ADAMTS15: variants seen among roughly 807,000 people sequenced by gnomAD.
The protein encoded by ADAMTS15 is A disintegrin and metalloproteinase with thrombospondin motifs 15.
Under a neutral mutation model 79.1 loss-of-function variants are expected in ADAMTS15, and 35 were observed. The observed-to-expected ratio is 0.44, with a 90% confidence interval of 0.34 to 0.59. The LOEUF (loss-of-function observed/expected upper bound fraction) is 0.59, where lower values mean the gene tolerates loss of function less well. ADAMTS15 is among the 20% of genes least tolerant of loss of function. The probability of loss-of-function intolerance (pLI) is 0.02; values close to 1 mark genes in which losing one functional copy is unlikely to be tolerated. For synonymous variants in ADAMTS15, 616 were observed against 567.3 expected (o/e 1.09, Z -1.22); for missense variants, 1,324 against 1,318.7 (o/e 1.00, Z -0.06).
chr11:130,471,522 T>G (rs926246904), intron 7 of ADAMTS15, 139 bp downstream of exon 7: 1 of 850,254 alleles, frequency 1.2e-6, no homozygotes, highest in Non-Finnish European at 1.7e-6. Flanking sequence ...ACCCATACCC[T>G]TCTAGGGCTG....
Position 130,448,699 on chromosome 11 carries a change from C to T in ADAMTS15, c.-275C>T, listed in dbSNP as rs1026822478. 1.3e-5 allele frequency among the ~76,000 whole-genome samples: 2 copies of T among 152,268 alleles called. No individual in the cohort carries two copies. Among genetic ancestry groups the T allele is most frequent in the African/African-American group, 4.8e-5 (2 of 41,474 alleles). On this transcript the variant is annotated 5_prime_UTR_variant, in exon 1 of 8. Coordinates refer to ENST00000299164, the MANE Select transcript of ADAMTS15 (RefSeq NM_139055.4). ...CCGCCCGGCACCTTCCGCTAGTTCT[C>T]GGCTGCAAATCTTCGTCCTTGCACT...
chr11:130,465,036 A>G (rs1938273624), intron 4 of ADAMTS15, among the ~76,000 whole-genome samples: 1 of 152,040 alleles, frequency 6.6e-6, no homozygotes, highest in East Asian at 1.9e-4. Context: ...AGGTGGGCCC[A>G]TAATGCTGTC....
In ADAMTS15 at chr11:130,462,363, C is replaced by A. The variant is rs893481483; in HGVS notation, c.1258+109C>A. On this transcript the variant is annotated intron_variant, in intron 3 of 7. Coordinates refer to ENST00000299164, the MANE Select transcript of ADAMTS15 (RefSeq NM_139055.4). This position sits in a 1 kb window ranked among gnomAD's most constrained non-coding sequence, Gnocchi z 4.3. ...TCCTCTGTACATTAGGTGTGTGTGC[C>A]CCCTCGGAGCCGGGCTCTGACATGA... 1.6e-5 allele frequency: 24 copies of A among 1,481,936 alleles called. No individual in the cohort carries two copies. The Admixed American group carries it at 4.0e-4, about 25-fold the overall frequency. The allele number at this position is 1,481,936 out of a possible 1,614,324, so 91.8% of individuals were successfully genotyped here.
At position 130,449,272 on chromosome 11, in the gene ADAMTS15, G is replaced by A. The variant is rs1937901391; in HGVS notation, c.299G>A (p.Arg100His). 1 of 1,612,600 alleles carries A rather than the reference G, an allele frequency of 6.2e-7. No homozygotes were observed. The highest frequency in any genetic ancestry group is 8.5e-7 in the Non-Finnish European group (1 of 1,180,022). Residue 100 changes from arginine to histidine, a missense_variant, in exon 1 of 8, where the codon CGC becomes CAC. Coordinates refer to ENST00000299164, the MANE Select transcript of ADAMTS15 (RefSeq NM_139055.4). The surrounding 1 kb of genome is among the most constrained non-coding windows in gnomAD (Gnocchi z 7.8). Reference sequence around the variant, plus strand: ...ACCGGGGGCTCTTCAGACCTGCGACGCTGCTTCTATTCTGGGGACGTGAAC... The same window carrying A: ...ACCGGGGGCTCTTCAGACCTGCGACACTGCTTCTATTCTGGGGACGTGAAC... ...GLTGGSSDLR[R>H]CFYSGDVNAE...
chr11:130,452,920 G>A (rs953376736), intron 1 of ADAMTS15, among the ~76,000 whole-genome samples: 3 of 151,470 alleles, frequency 2.0e-5, no homozygotes, highest in African/African-American at 7.3e-5. Flanking sequence ...GGCGGAGGTT[G>A]CAGTGCGCCG....
intron 4 of ADAMTS15, among the ~76,000 whole-genome samples, chr11:130,467,552 C>G (rs1454267671): frequency 3.9e-5 from 6 of 152,150 alleles, no homozygotes; most frequent in African/African-American, 1.4e-4. Flanking sequence ...GTTTCCATCA[C>G]ATGCAGCCAG....
In ADAMTS15 at chr11:130,449,320, C is replaced by A; in HGVS notation, c.347C>A (p.Ala116Asp). 2 of 1,610,006 alleles carry A rather than the reference C, an allele frequency of 1.2e-6. No homozygotes were observed. Among genetic ancestry groups the A allele is most frequent in the East Asian group, 4.5e-5 (2 of 44,874 alleles). Residue 116 changes from alanine to aspartate, a missense_variant, in exon 1 of 8, where the codon GCT becomes GAT. Ala to Asp is a moderately radical substitution (Grantham distance 126). Coordinates refer to ENST00000299164, the MANE Select transcript of ADAMTS15 (RefSeq NM_139055.4). The surrounding 1 kb of genome is among the most constrained non-coding windows in gnomAD (Gnocchi z 7.8). ...DVNAEPDSFAAVSLCGGLRGA... is the reference protein window; with the variant it reads ...DVNAEPDSFADVSLCGGLRGA... ...AACGCCGAGCCGGACTCGTTCGCTG[C>A]TGTGAGCCTGTGCGGGGGGCTCCGC...
At chr11:130,469,498 C>G in intron 5 of ADAMTS15, 59 bp downstream of exon 5, 1 of 1,239,138 alleles carries the variant, frequency 8.1e-7, no homozygotes, top group Non-Finnish European at 1.0e-6. Flanking sequence ...GGAGGTCCCC[C>G]CACCCCACCC....
At chr11:130,469,854 A>G (rs925226768) in intron 5 of ADAMTS15, among the ~76,000 whole-genome samples, 3 of 151,910 alleles carry the variant, frequency 2.0e-5, no homozygotes, top group Non-Finnish European at 2.9e-5. Context: ...TTACATCTCT[A>G]TTTTTATTAA....
intron 4 of ADAMTS15, among the ~76,000 whole-genome samples, chr11:130,463,949 A>G (rs1938253294): frequency 6.6e-6 from 1 of 152,134 alleles, no homozygotes; most frequent in Non-Finnish European, 1.5e-5. Context: ...GGCTGAGAAA[A>G]CTTGGAGGAG....
In ADAMTS15 at chr11:130,473,302, G is replaced by A. The variant is rs566732172; in HGVS notation, c.2334G>A (p.Pro778=). The change falls in exon 8 of 8, where the codon CCG becomes CCA. Residue 778 remains proline (P), a synonymous_variant. Coordinates refer to ENST00000299164, the MANE Select transcript of ADAMTS15 (RefSeq NM_139055.4). The part of the protein sequence containing the change: ...SLQASRPILE[P]LTVEVLSVGK... ...AGGCTTCCCGGCCCATCCTGGAGCC[G>A]CTGACCGTGGAGGTCCTCTCCGTGG... The A allele has an allele frequency of 9.1e-5, 147 of 1,613,132 alleles. No homozygotes were observed. In the Middle Eastern group the frequency reaches 1.2e-3, roughly 13 times the overall value.
chr11:130,467,431 C>G (rs767123023), intron 4 of ADAMTS15, among the ~76,000 whole-genome samples: 1 of 152,064 alleles, frequency 6.6e-6, no homozygotes, highest in Non-Finnish European at 1.5e-5. Flanking sequence ...GGTGGAAGGA[C>G]GGCGGTGGTG....
At chr11:130,469,170 C>T (rs1022494680) in intron 4 of ADAMTS15, 92 bp from the exon 5 acceptor site, 1 of 1,184,628 alleles carries the variant, frequency 8.4e-7, no homozygotes, top group African/African-American at 1.6e-5. Context: ...GGGATGAGAA[C>T]TTGGAGGCTG....
At chr11:130,470,198 A>ATATG (rs1565397906) in intron 5 of ADAMTS15, among the ~76,000 whole-genome samples, 5 of 50,926 alleles carry the variant, frequency 9.8e-5, no homozygotes, top group Non-Finnish European at 1.7e-4. Context: ...ATATATATAT[A>ATATG]TATATATATA....
At position 130,449,539 on chromosome 11, in the gene ADAMTS15, AC is replaced by A; in HGVS notation, c.569del (p.Pro190LeufsTer54). ...AACCCCGCCATCCTACGGGCCCTGGACCCTTACAAGCCGCGGCGGGCGGGCT... is the reference window on the plus strand; with the variant it reads ...AACCCCGCCATCCTACGGGCCCTGGACCTTACAAGCCGCGGCGGGCGGGCT... ...GWNPAILRAL[D>X]PYKPRRAGFG... On this transcript the variant is annotated frameshift_variant, in exon 1 of 8. Transcript: ENST00000299164. LOFTEE classifies it high-confidence loss of function. This position sits in a 1 kb window ranked among gnomAD's most constrained non-coding sequence, Gnocchi z 7.8. The A allele has an allele frequency of 1.3e-6, 2 of 1,575,572 alleles. No homozygotes were observed. Among genetic ancestry groups the A allele is most frequent in the East Asian group, 4.5e-5 (2 of 44,222 alleles).
At chr11:130,457,512 G>A (rs937982069) in intron 1 of ADAMTS15, among the ~76,000 whole-genome samples, 1 of 152,184 alleles carries the variant, frequency 6.6e-6, no homozygotes, top group Non-Finnish European at 1.5e-5. Flanking sequence ...CAGTCCAGGA[G>A]GATTAAGGTT....
In ADAMTS15 at chr11:130,476,348, C is replaced by T. The variant is rs1938586454; in HGVS notation, c.*2527C>T. The T allele has an allele frequency of 6.6e-6, 1 of 150,506 alleles. No homozygotes were observed. The highest frequency in any genetic ancestry group is 6.6e-5 in the Admixed American group (1 of 15,182). The allele number at this position is 150,506 out of a possible 1,614,324, so 9.3% of individuals were successfully genotyped here. A position where few individuals can be genotyped will look rare whatever the true frequency, so the allele number is the denominator to read the frequency against. ...GTGCACTGATTGGAGGAGTCTGGCC[C>T]AAACACTCTCATATGAACCTCGACA... On this transcript the variant is annotated 3_prime_UTR_variant, in exon 8 of 8. Coordinates refer to ENST00000299164, the MANE Select transcript of ADAMTS15 (RefSeq NM_139055.4).
rs755957210 is a variant in ADAMTS15 at position 130,462,758 on chromosome 11, G to T, written c.1520G>T (p.Arg507Ile). 6.3e-7 allele frequency: 1 copy of T among 1,595,512 alleles called. No homozygotes were observed. The highest frequency in any genetic ancestry group is 1.1e-5 in the South Asian group (1 of 90,186). The change falls in exon 4 of 8, where the codon AGA becomes ATA. Residue 507 changes from arginine (R) to isoleucine (I), a missense_variant. Transcript: ENST00000299164. The surrounding 1 kb of genome is among the most constrained non-coding windows in gnomAD (Gnocchi z 4.3). ...TGCCTCAAAGGGGCCTGCGTGGAGA[G>T]ACACAACCTCAACAAGCACAGGGTG... The part of the protein sequence containing the change: ...KLCLKGACVE[R>I]HNLNKHRVDG...
Position 130,448,767 on chromosome 11 carries a change from G to A in ADAMTS15, c.-207G>A, listed in dbSNP as rs550980335. Among the ~76,000 whole-genome samples the A allele has an allele frequency of 1.3e-5, 2 of 152,322 alleles. No homozygotes were observed. The highest frequency in any genetic ancestry group is 4.8e-5 in the African/African-American group (2 of 41,592). On this transcript the variant is annotated 5_prime_UTR_variant, in exon 1 of 8. Transcript: ENST00000299164. Reference sequence around the variant, plus strand: ...AAGCTCCCAGGGCGCGCTTTGCTTGGAAAGGCACAGGTAGGAAGCGCGGGC... The same window carrying A: ...AAGCTCCCAGGGCGCGCTTTGCTTGAAAAGGCACAGGTAGGAAGCGCGGGC...
Sources: gnomAD v4.1 joint callset for allele counts (sites outside exome capture counted in the v4.1 genomes callset) on GRCh38, gnomAD v4.1.1 for gene constraint, Gnocchi (gnomAD v3.1) non-coding constraint, MANE v1.5 for transcripts, NCBI Gene and HGNC (gene_info 2026-07-23, HGNC 2026-07-21) for gene names.